MED14: variants seen among roughly 807,000 people sequenced by gnomAD.
The protein encoded by MED14 is mediator complex subunit 14.
MED14 carries 8 observed loss-of-function variants against 109.0 expected under a neutral mutation model. That is an observed-to-expected ratio of 0.07 (90% CI 0.04 to 0.13). The LOEUF is 0.13. Ranked by LOEUF, MED14 falls within the 10% of genes least tolerant of loss-of-function variation. The pLI, the probability that MED14 is intolerant of heterozygous loss-of-function variation, is 1.00. For synonymous variants in MED14, 399 were observed against 408.7 expected, an observed-to-expected ratio of 0.98 and a Z score of 0.29; for missense variants, 711 against 1,142.4, an observed-to-expected ratio of 0.62 and a Z score of 5.44.
intron 1 of MED14, among the ~76,000 whole-genome samples, chrX:40,732,067 C>T (rs575279468): frequency 7.1e-5 from 8 of 112,313 alleles, no homozygotes; most frequent in Admixed American, 4.7e-4. Context: ...AGTGAAGGGG[C>T]AGAGTACTAT....
In MED14 at chrX:40,670,788, A is replaced by T. The variant is rs748345456; in HGVS notation, c.3133+1073T>A. 1.4e-3 allele frequency among the ~76,000 whole-genome samples: 158 copies of T among 111,044 alleles called. 1 individual carries two copies. The highest frequency in any genetic ancestry group is 2.3e-3 in the Non-Finnish European group (124 of 52,997). ...GTCTCAAAAAAAAAAAAAAATAAAA[A>T]AAATAAAGGAGAACAGTATGCACTG... On this transcript the variant is annotated intron_variant, in intron 23 of 30. Transcript: ENST00000324817.
In MED14 at chrX:40,730,433, T is replaced by C. The variant is rs1330566163; in HGVS notation, c.216-1088A>G. On this transcript the variant is annotated intron_variant, in intron 1 of 30. Transcript: ENST00000324817. Reference sequence around the variant, plus strand: ...TACAAGCCAAACCTCTTGAGAACACTCCTTGAGAAGCCACAGCCCTTGTTT... The same window carrying C: ...TACAAGCCAAACCTCTTGAGAACACCCCTTGAGAAGCCACAGCCCTTGTTT... 2.7e-5 allele frequency among the ~76,000 whole-genome samples: 3 copies of C among 111,214 alleles called. No homozygotes were observed. The East Asian group carries it at 8.5e-4, about 31-fold the overall frequency.
chrX:40,688,844 C>G (rs925747160), intron 15 of MED14, among the ~76,000 whole-genome samples: 2 of 112,000 alleles, frequency 1.8e-5, no homozygotes, highest in African/African-American at 6.5e-5. Flanking sequence ...TTTAGTAGTT[C>G]AAGAGGCCAC....
At chrX:40,723,622 C>T (rs137968229) in intron 3 of MED14, among the ~76,000 whole-genome samples, 1,130 of 88,312 alleles carry the variant, frequency 0.013, 20 homozygotes, top group African/African-American at 0.046. Context: ...GCCAAGACTG[C>T]GCCACTGCAC....
At chrX:40,730,153 C>T (rs1008521693) in intron 1 of MED14, among the ~76,000 whole-genome samples, 1 of 112,234 alleles carries the variant, frequency 8.9e-6, no homozygotes, top group Non-Finnish European at 1.9e-5. Flanking sequence ...CTCCCACCCA[C>T]GTGCCACAGG....
At position 40,659,409 on chromosome X, in the gene MED14, T is replaced by C. The variant is rs1929185874; in HGVS notation, c.3864+19A>G. The stretch of plus-strand genomic sequence containing the variant: ...TGTTTCATTAATTATATTCAAATTA[T>C]GCACTATTAAACACATACTCTTGTT... On this transcript the variant is annotated intron_variant, in intron 27 of 30. Transcript: ENST00000324817. 4 of 1,192,118 alleles carry C rather than the reference T, an allele frequency of 3.4e-6. No individual in the cohort carries two copies. Among genetic ancestry groups the C allele is most frequent in the Non-Finnish European group, 3.4e-6 (3 of 880,986 alleles).
chrX:40,697,156 C>G lies in MED14; in HGVS notation c.1518G>C (p.Lys506Asn), dbSNP rs1297326143. The G allele has an allele frequency of 3.3e-6, 4 of 1,196,704 alleles. No homozygotes were observed. In the South Asian group the frequency reaches 7.1e-5, roughly 21 times the overall value. Residue 506 changes from lysine (K) to asparagine (N), a missense_variant, in exon 13 of 31, where the codon AAG becomes AAC. This residue lies in a region of MED14 where 388 missense variants were observed against 517.3 expected (regional missense o/e 0.75). Coordinates refer to ENST00000324817, the MANE Select transcript of MED14 (RefSeq NM_004229.4). ...TCGTAGGCAGATGTTTTATAGACTG[C>G]TTGCAACGCTGTTGTCCAAGCCAAA... ...LKFWLGQQRC[K>N]QSIKHLPTIS... is the part of the protein sequence containing the mutation.
chrX:40,734,858 T>C (rs1932198407), intron 1 of MED14, among the ~76,000 whole-genome samples: 1 of 112,528 alleles, frequency 8.9e-6, no homozygotes, highest in African/African-American at 3.2e-5. Flanking sequence ...GTAATACAAA[T>C]TTCCCATCTA....
In MED14 at chrX:40,697,077, G is replaced by A; in HGVS notation, c.1597C>T (p.Leu533Phe). The change falls in exon 13 of 31, where the codon CTT (leucine) becomes TTT (phenylalanine). Residue 533 changes from leucine (L) to phenylalanine (F), a missense_variant. Physicochemically the swap from Leu to Phe is conservative, Grantham distance 22 (BLOSUM62 0). This residue lies in a region of MED14 where 388 missense variants were observed against 517.3 expected (regional missense o/e 0.75). Coordinates refer to ENST00000324817, the MANE Select transcript of MED14 (RefSeq NM_004229.4). ...TTAATGAACAGTTTATTCTTAGAAA[G>A]GTTTCCAATAGGATGAGTTGAGTAA... is the stretch of plus-strand genomic sequence containing the variant. ...SNYSTHPIGN[L>F]SKNKLFIKLT... The A allele has an allele frequency of 8.4e-7, 1 of 1,197,312 alleles. No homozygotes were observed. Among genetic ancestry groups the A allele is most frequent in the Non-Finnish European group, 1.1e-6 (1 of 882,838 alleles).
At chrX:40,660,912 T>G (rs1929241323) in intron 26 of MED14, among the ~76,000 whole-genome samples, 1 of 113,087 alleles carries the variant, frequency 8.8e-6, no homozygotes, top group Non-Finnish European at 1.9e-5. Context: ...TTCACCATTT[T>G]TAATTCTTTT....
At chrX:40,691,275 G>A (rs1930491540) in intron 15 of MED14, among the ~76,000 whole-genome samples, 1 of 111,955 alleles carries the variant, frequency 8.9e-6, no homozygotes, top group South Asian at 3.6e-4. Flanking sequence ...TATTCTTTCT[G>A]ATCTGCTTCT....
Position 40,688,528 on chromosome X carries a change from C to A in MED14, c.1983G>T (p.Leu661Phe). Residue 661 changes from leucine to phenylalanine, a missense_variant and splice_region_variant, in exon 16 of 31, where the codon TTG becomes TTT. Leu to Phe is a conservative substitution (Grantham distance 22, BLOSUM62 0). This residue lies in a region of MED14 where 388 missense variants were observed against 517.3 expected (regional missense o/e 0.75). Coordinates refer to ENST00000324817, the MANE Select transcript of MED14 (RefSeq NM_004229.4). ...NMPFVGLRLE[L>F]SNLEIPHQGV... Reference sequence around the variant, plus strand: ...CTTGATGTGGAATCTCCAGATTGGACAACTAGAAAGAGAAAAACAATTATA... The same window carrying A: ...CTTGATGTGGAATCTCCAGATTGGAAAACTAGAAAGAGAAAAACAATTATA... 1 of 1,189,407 alleles carries A rather than the reference C, an allele frequency of 8.4e-7. No homozygotes were observed. Among genetic ancestry groups the A allele is most frequent in the South Asian group, 1.8e-5 (1 of 56,360 alleles).
intron 21 of MED14, among the ~76,000 whole-genome samples, chrX:40,676,141 A>G (rs1230392161): frequency 2.7e-5 from 3 of 111,677 alleles, no homozygotes; most frequent in Non-Finnish European, 1.9e-5. Context: ...AAAATCAGCC[A>G]GGCATGGTGG....
chrX:40,727,769 C>T (rs1389223579), intron 2 of MED14, among the ~76,000 whole-genome samples: 1 of 111,617 alleles, frequency 9.0e-6, no homozygotes, highest in Non-Finnish European at 1.9e-5. Context: ...CTTAGTACAG[C>T]TGTTCAATGA....
rs985095281 is a variant in MED14 at position 40,671,948 on chromosome X, A to G, written c.3046T>C (p.Ser1016Pro). 1 of 1,198,775 alleles carries G rather than the reference A, an allele frequency of 8.3e-7. No individual in the cohort carries two copies. Among genetic ancestry groups the G allele is most frequent in the Non-Finnish European group, 1.1e-6 (1 of 888,664 alleles). ...QQPFPKQPGT[S>P]GAYPLTSPPT... Reference sequence around the variant, plus strand: ...GGTGAAGTAAGAGGATAAGCACCTGATGTTCCTGGCTGCTTTGGAAATGGC... The same window carrying G: ...GGTGAAGTAAGAGGATAAGCACCTGGTGTTCCTGGCTGCTTTGGAAATGGC... Residue 1016 changes from serine to proline, a missense_variant, in exon 23 of 31, where the codon TCA (serine) becomes CCA (proline). By Grantham distance (74) the Ser-to-Pro change is moderately conservative (BLOSUM62 -1). This residue lies in a region of MED14 where 100 missense variants were observed against 147.5 expected (regional missense o/e 0.68). Transcript: ENST00000324817.
At chrX:40,717,766 A>T in intron 3 of MED14, among the ~76,000 whole-genome samples, 1 of 111,286 alleles carries the variant, frequency 9.0e-6, no homozygotes, top group Non-Finnish European at 1.9e-5. Context: ...CAGGTGATCC[A>T]CCCGCCTCAG....
At chrX:40,679,803 A>G in intron 21 of MED14, 61 bp downstream of exon 21, 1 of 1,110,095 alleles carries the variant, frequency 9.0e-7, no homozygotes. Flanking sequence ...TTCCCCCTCA[A>G]AGAAACTATT....
intron 15 of MED14, among the ~76,000 whole-genome samples, chrX:40,690,388 C>G (rs1275050620): frequency 9.0e-6 from 1 of 111,558 alleles, no homozygotes; most frequent in Admixed American, 9.5e-5. Flanking sequence ...CAAACAACAG[C>G]TCATGAGCCA....
chrX:40,707,752 G>A (rs963369759), intron 10 of MED14, among the ~76,000 whole-genome samples: 2 of 111,870 alleles, frequency 1.8e-5, no homozygotes, highest in African/African-American at 6.5e-5. Context: ...TTGCCAAAAG[G>A]GAGGCAGGAA....
Sources: allele counts gnomAD v4.1 joint callset (sites outside exome capture counted in the v4.1 genomes callset), GRCh38; gene constraint gnomAD v4.1.1; regional missense constraint gnomAD v4.1.1; transcripts MANE v1.5; gene names NCBI Gene and HGNC (gene_info 2026-07-23, HGNC 2026-07-21).